The following SNTG1 variants were observed in gnomAD, a reference collection of about 807,000 sequenced individuals.
SNTG1 encodes the protein syntrophin gamma 1.
A neutral mutation model predicts 74.7 loss-of-function variants in SNTG1; 39 were observed. The ratio of observed to expected loss-of-function variants is 0.52; its 90% CI spans 0.40 to 0.68. The LOEUF (loss-of-function observed/expected upper bound fraction) is 0.68, where lower values mean the gene tolerates loss of function less well. SNTG1 is among the 30% of genes least tolerant of loss of function. The pLI, the probability that SNTG1 is intolerant of heterozygous loss-of-function variation, is 0.00. For missense variants in SNTG1, 685 were observed against 609.5 expected, an observed-to-expected ratio of 1.12 and a Z score of -1.30; for synonymous variants, 254 against 217.1, an observed-to-expected ratio of 1.17 and a Z score of -1.49.
intron 11 of SNTG1, among the ~76,000 whole-genome samples, chr8:50,550,744 C>G (rs1385555988): frequency 1.3e-5 from 2 of 151,330 alleles, no homozygotes; most frequent in African/African-American, 4.9e-5. Flanking sequence ...ATAAGGTTAC[C>G]GTTAATGCTG....
intron 12 of SNTG1, among the ~76,000 whole-genome samples, chr8:50,583,394 C>CAAAAAAAAAA (rs58794829): frequency 2.4e-5 from 2 of 82,426 alleles, no homozygotes; most frequent in African/African-American, 1.1e-4. Flanking sequence ...GAGTGAGACT[C>CAAAAAAAAAA]AAAAAAAAAA....
chr8:50,409,004 G>T (rs1158305313), intron 4 of SNTG1, among the ~76,000 whole-genome samples: 1 of 152,226 alleles, frequency 6.6e-6, no homozygotes, highest in African/African-American at 2.4e-5. Context: ...GAGCTCCAGG[G>T]CTTTATCAGG....
At chr8:50,601,167 A>G (rs2094771988) in intron 13 of SNTG1, among the ~76,000 whole-genome samples, 1 of 147,552 alleles carries the variant, frequency 6.8e-6, no homozygotes, top group African/African-American at 2.5e-5. Flanking sequence ...AAAAAAAAAA[A>G]AAAAAAAAAA....
At chr8:50,298,401 A>C (rs1316603280) in intron 2 of SNTG1, among the ~76,000 whole-genome samples, 2 of 152,114 alleles carry the variant, frequency 1.3e-5, no homozygotes, top group Non-Finnish European at 2.9e-5. Context: ...ATGCACTCTC[A>C]AGAAGAGTGA....
intron 13 of SNTG1, among the ~76,000 whole-genome samples, chr8:50,626,089 C>T (rs900742571): frequency 1.3e-5 from 2 of 152,130 alleles, no homozygotes; most frequent in Admixed American, 6.6e-5. Flanking sequence ...CCAGCATATG[C>T]TTTTTTGTAA....
intron 1 of SNTG1, among the ~76,000 whole-genome samples, chr8:49,975,441 C>A (rs182250156): frequency 6.6e-6 from 1 of 152,118 alleles, no homozygotes; most frequent in Non-Finnish European, 1.5e-5. Flanking sequence ...TTCGATTAAT[C>A]GCCACAACAT....
rs146203603 is a variant in SNTG1 at position 50,747,076 on chromosome 8, A to G, written c.1285-4925A>G. On this transcript the variant is annotated intron_variant, in intron 17 of 18. Coordinates refer to ENST00000642720, the MANE Select transcript of SNTG1 (RefSeq NM_018967.5). The stretch of plus-strand genomic sequence containing the variant: ...GAGGTATAGTCAAAAAACCTTATAG[A>G]CTTCTGGAAGGAATTCTGATCTAGT... 1.9e-3 allele frequency among the ~76,000 whole-genome samples: 294 copies of G among 151,640 alleles called. 2 individuals carry two copies. Among genetic ancestry groups the G allele is most frequent in the African/African-American group, 6.9e-3 (287 of 41,396 alleles).
chr8:50,245,454 G>A (rs573241050), intron 2 of SNTG1, among the ~76,000 whole-genome samples: 9 of 152,182 alleles, frequency 5.9e-5, no homozygotes, highest in South Asian at 2.1e-4. Flanking sequence ...AGGCTGAGGC[G>A]TGCGGATCAC....
chr8:50,180,798 T>C (rs1261646810), intron 2 of SNTG1, among the ~76,000 whole-genome samples: 2 of 140,662 alleles, frequency 1.4e-5, no homozygotes, highest in African/African-American at 2.7e-5. Context: ...TTTGCTCTTG[T>C]TGCCCAAGCT....
chr8:49,976,911 T>G (rs1812246374), intron 1 of SNTG1, among the ~76,000 whole-genome samples: 1 of 152,168 alleles, frequency 6.6e-6, no homozygotes, highest in African/African-American at 2.4e-5. Context: ...AAACGAATCA[T>G]AGAGGAAAGC....
chr8:50,303,836 A>C (rs2089759078), intron 2 of SNTG1, among the ~76,000 whole-genome samples: 1 of 152,164 alleles, frequency 6.6e-6, no homozygotes, highest in African/African-American at 2.4e-5. Flanking sequence ...TTACAATTTC[A>C]ATATTAACAA....
rs1457690015 is a variant in SNTG1 at position 50,464,741 on chromosome 8, AAAAC to A, written c.363+14028_363+14031del. Among the ~76,000 whole-genome samples, 4 of 152,080 alleles carry A rather than the reference AAAAC, an allele frequency of 2.6e-5. No homozygotes were observed. In the East Asian group the frequency reaches 5.8e-4, roughly 22 times the overall value. ...GTGACAGAGTGGAACTCTGTCTCAA[AAAAC>A]AAACAAACAAACAAAAACCAAAAAA... On this transcript the variant is annotated intron_variant, in intron 8 of 18. Coordinates refer to ENST00000642720, the MANE Select transcript of SNTG1 (RefSeq NM_018967.5).
chr8:50,669,423 A>C (rs940271668), intron 15 of SNTG1, among the ~76,000 whole-genome samples: 34 of 152,208 alleles, frequency 2.2e-4, no homozygotes, highest in Non-Finnish European at 5.9e-5. Context: ...CTCTATGCAA[A>C]TAAACTAGAA....
chr8:50,068,369 A>C lies in SNTG1; in HGVS notation c.-102-104192A>C, dbSNP rs112478209. ...TTGTACTTTCTTCTCTTCCTCAGTGAGGAGTCAAACCACAGTAGTCACTTT... is the reference window on the plus strand; with the variant it reads ...TTGTACTTTCTTCTCTTCCTCAGTGCGGAGTCAAACCACAGTAGTCACTTT... On this transcript the variant is annotated intron_variant, in intron 1 of 18. Coordinates refer to ENST00000642720, the MANE Select transcript of SNTG1 (RefSeq NM_018967.5). Among the ~76,000 whole-genome samples the C allele has an allele frequency of 7.2e-5, 11 of 152,280 alleles. 1 individual carries two copies. Among genetic ancestry groups the C allele is most frequent in the African/African-American group, 2.4e-4 (10 of 41,568 alleles).
intron 1 of SNTG1, among the ~76,000 whole-genome samples, chr8:49,951,066 A>T (rs1809655580): frequency 1.3e-5 from 2 of 152,228 alleles, no homozygotes; most frequent in Non-Finnish European, 2.9e-5. Flanking sequence ...TTTTGAATTA[A>T]TCTATTCTAA....
intron 1 of SNTG1, among the ~76,000 whole-genome samples, chr8:50,057,242 A>G (rs887716752): frequency 3.9e-5 from 6 of 152,028 alleles, no homozygotes; most frequent in Non-Finnish European, 7.4e-5. Context: ...ATCTTTTGTC[A>G]TATTTGTTAA....
intron 1 of SNTG1, among the ~76,000 whole-genome samples, chr8:50,026,027 T>C (rs1214266260): frequency 2.0e-5 from 3 of 152,180 alleles, no homozygotes; most frequent in African/African-American, 7.2e-5. Flanking sequence ...TAGAGTAGAA[T>C]ACAAATGAGT....
At chr8:50,652,077 A>T (rs2095150603) in intron 13 of SNTG1, among the ~76,000 whole-genome samples, 1 of 151,986 alleles carries the variant, frequency 6.6e-6, no homozygotes, top group Non-Finnish European at 1.5e-5. Flanking sequence ...TTCTCCTTTG[A>T]TCTGTGAACT....
chr8:50,147,423 GAATT>G (rs2081911169), intron 1 of SNTG1, among the ~76,000 whole-genome samples: 1 of 152,156 alleles, frequency 6.6e-6, no homozygotes, highest in South Asian at 2.1e-4. Context: ...TAGAATTAAA[GAATT>G]AATCACTGTA....
Sources: allele counts gnomAD v4.1 joint callset (sites outside exome capture counted in the v4.1 genomes callset), GRCh38; gene constraint gnomAD v4.1.1; transcripts MANE v1.5; gene names NCBI Gene and HGNC (gene_info 2026-07-23, HGNC 2026-07-21).